Variants in RANBP17 observed in about 807,000 individuals in gnomAD.
RANBP17 encodes the protein ran-binding protein 17.
A neutral mutation model predicts 141.2 loss-of-function variants in RANBP17; 158 were observed. That is an observed-to-expected ratio of 1.12 (90% CI 0.98 to 1.28). The LOEUF is 1.28. Among genes scored for constraint, RANBP17 ranks in the 50% most tolerant of loss-of-function variants. The pLI is 0.00. For missense variants in RANBP17, 1,438 were observed against 1,290.7 expected, an observed-to-expected ratio of 1.11 and a Z score of -1.75; for synonymous variants, 430 against 450.0, an observed-to-expected ratio of 0.96 and a Z score of 0.56.
chr5:171,220,875 C>T (rs1232736210), intron 21 of RANBP17, among the ~76,000 whole-genome samples: 2 of 152,122 alleles, frequency 1.3e-5, no homozygotes, highest in African/African-American at 4.8e-5. Context: ...TTTCTTTAAT[C>T]AGAACTTGTA....
chr5:171,127,011 GACAAGAAC>G (rs986031098), intron 14 of RANBP17, among the ~76,000 whole-genome samples: 2 of 152,088 alleles, frequency 1.3e-5, no homozygotes, highest in African/African-American at 4.8e-5. Context: ...ACCAAAACCA[GACAAGAAC>G]ACAAGAAAAC....
chr5:171,007,883 A>G (rs999325587), intron 14 of RANBP17, among the ~76,000 whole-genome samples: 53 of 152,184 alleles, frequency 3.5e-4, no homozygotes, highest in Non-Finnish European at 4.4e-4. Flanking sequence ...AAGTTTGCCC[A>G]TAGTGAAGGA....
intron 12 of RANBP17, among the ~76,000 whole-genome samples, chr5:170,952,080 G>A (rs980144101): frequency 4.6e-5 from 7 of 151,970 alleles, no homozygotes; most frequent in Admixed American, 3.3e-4. Flanking sequence ...CAAGATACAC[G>A]AGAAGTGGAA....
At chr5:170,962,353 G>T (rs755168703) in intron 13 of RANBP17, among the ~76,000 whole-genome samples, 1 of 152,188 alleles carries the variant, frequency 6.6e-6, no homozygotes, top group African/African-American at 2.4e-5. Flanking sequence ...AAAATGAGTT[G>T]TAAAGGCACC....
At chr5:171,176,874 A>G (rs1466655900) in intron 16 of RANBP17, among the ~76,000 whole-genome samples, 1 of 152,190 alleles carries the variant, frequency 6.6e-6, no homozygotes, top group African/African-American at 2.4e-5. Flanking sequence ...TGAATGTGGT[A>G]GGTGTCAGGA....
chr5:171,078,088 G>A (rs1196868781), intron 14 of RANBP17, among the ~76,000 whole-genome samples: 1 of 151,836 alleles, frequency 6.6e-6, no homozygotes, highest in Non-Finnish European at 1.5e-5. Context: ...TAAGATGATT[G>A]GTGAATGTGG....
At chr5:171,196,630 G>A (rs1022739891) in intron 18 of RANBP17, among the ~76,000 whole-genome samples, 5 of 152,142 alleles carry the variant, frequency 3.3e-5, no homozygotes, top group Non-Finnish European at 5.9e-5. Context: ...CAGACACTGA[G>A]CAGGGGGATG....
intron 14 of RANBP17, among the ~76,000 whole-genome samples, chr5:171,083,012 A>G (rs1785355263): frequency 6.6e-6 from 1 of 152,220 alleles, no homozygotes; most frequent in Non-Finnish European, 1.5e-5. Context: ...CAGGGATTAT[A>G]AATTGAACAA....
chr5:171,133,639 C>T (rs1757080428), intron 14 of RANBP17, among the ~76,000 whole-genome samples: 1 of 152,132 alleles, frequency 6.6e-6, no homozygotes, highest in Admixed American at 6.5e-5. Flanking sequence ...CATAGAATTG[C>T]TAAACCCATG....
chr5:171,041,079 C>G (rs1172862655), intron 14 of RANBP17, among the ~76,000 whole-genome samples: 1 of 152,118 alleles, frequency 6.6e-6, no homozygotes, highest in Non-Finnish European at 1.5e-5. Flanking sequence ...CAGTTCTAGC[C>G]TGTTGTTGAC....
intron 18 of RANBP17, among the ~76,000 whole-genome samples, chr5:171,191,850 T>C (rs1761671798): frequency 6.6e-6 from 1 of 152,318 alleles, no homozygotes; most frequent in African/African-American, 2.4e-5. Flanking sequence ...ACAACTTTTT[T>C]CCTTCATTTT....
chr5:171,293,813 A>T (rs1294102562), intron 25 of RANBP17, 70 bp from the exon 26 acceptor site: 1 of 1,144,762 alleles, frequency 8.7e-7, no homozygotes, highest in Non-Finnish European at 1.3e-6. Flanking sequence ...ATCTGAGCAC[A>T]TGAAAGGCCT....
intron 12 of RANBP17, among the ~76,000 whole-genome samples, chr5:170,928,267 T>G (rs978445200): frequency 7.9e-5 from 12 of 152,138 alleles, no homozygotes; most frequent in Non-Finnish European, 7.4e-5. Flanking sequence ...ACAATCTCTT[T>G]TTCACATATA....
intron 1 of RANBP17, among the ~76,000 whole-genome samples, chr5:170,866,204 C>T (rs976569411): frequency 9.2e-5 from 14 of 152,156 alleles, no homozygotes; most frequent in Non-Finnish European, 1.5e-4. Context: ...TAAAAACATT[C>T]CTATCAGGTA....
chr5:171,097,953 A>G (rs1786823318), intron 14 of RANBP17, among the ~76,000 whole-genome samples: 1 of 152,128 alleles, frequency 6.6e-6, no homozygotes, highest in African/African-American at 2.4e-5. Context: ...ATGTCCCTGC[A>G]AAGGATATGA....
chr5:171,252,999 G>A, intron 24 of RANBP17: 1 of 1,200,930 alleles, frequency 8.3e-7, no homozygotes, highest in Non-Finnish European at 1.2e-6. Context: ...GGGGAACCGT[G>A]ATGAAGAGAT....
chr5:171,066,501 CCTT>C (rs977977534), intron 14 of RANBP17, among the ~76,000 whole-genome samples: 7 of 152,112 alleles, frequency 4.6e-5, no homozygotes, highest in Non-Finnish European at 1.0e-4. Flanking sequence ...GACGGGATAT[CCTT>C]CTTTTTTAAG....
chr5:171,122,056 TGGTG>T (rs1756076859), intron 14 of RANBP17, among the ~76,000 whole-genome samples: 1 of 152,164 alleles, frequency 6.6e-6, no homozygotes, highest in East Asian at 1.9e-4. Flanking sequence ...CATTGGGGGC[TGGTG>T]GGGTTCTTCT....
chr5:171,090,569 C>T (rs1311535769), intron 14 of RANBP17, among the ~76,000 whole-genome samples: 1 of 152,124 alleles, frequency 6.6e-6, no homozygotes, highest in Admixed American at 6.5e-5. Context: ...CGAATGTTAA[C>T]CACTAAGACA....
Sources: allele counts gnomAD v4.1 joint callset (sites outside exome capture counted in the v4.1 genomes callset), GRCh38; gene constraint gnomAD v4.1.1; transcripts MANE v1.5; gene names NCBI Gene and HGNC (gene_info 2026-07-23, HGNC 2026-07-21).